RAPGEF2: variants seen among roughly 807,000 people sequenced by gnomAD.
RAPGEF2 encodes the protein PDZ domain containing guanine nucleotide exchange factor (GEF) 1.
A neutral mutation model predicts 186.7 loss-of-function variants in RAPGEF2; 54 were observed. The ratio of observed to expected loss-of-function variants is 0.29; its 90% confidence interval spans 0.23 to 0.36. The LOEUF (loss-of-function observed/expected upper bound fraction) is 0.36, where lower values mean the gene tolerates loss of function less well. RAPGEF2 is among the 10% of genes least tolerant of loss of function. The pLI is 1.00. For synonymous variants in RAPGEF2, 712 were observed against 705.9 expected (o/e 1.01, Z -0.14); for missense variants, 1,532 against 2,045.0 (o/e 0.75, Z 4.84).
chr4:159,255,774 T>G (rs1756088358), intron 7 of RAPGEF2, among the ~76,000 whole-genome samples: 1 of 152,324 alleles, frequency 6.6e-6, no homozygotes, highest in East Asian at 1.9e-4. Context: ...TTGTAGTAGT[T>G]GATTGGATTA....
At chr4:159,226,316 T>C (rs1252788317) in intron 4 of RAPGEF2, among the ~76,000 whole-genome samples, 1 of 152,188 alleles carries the variant, frequency 6.6e-6, no homozygotes, top group Non-Finnish European at 1.5e-5. Context: ...ATAAAATATT[T>C]GTTTAGATCT....
At chr4:159,287,562 T>C (rs1008800413) in intron 7 of RAPGEF2, among the ~76,000 whole-genome samples, 1 of 152,170 alleles carries the variant, frequency 6.6e-6, no homozygotes, top group South Asian at 2.1e-4. Context: ...ATGAAAGTTA[T>C]ATGCTTCTCT....
At chr4:159,296,443 A>C (rs1472410916) in intron 7 of RAPGEF2, among the ~76,000 whole-genome samples, 1 of 152,218 alleles carries the variant, frequency 6.6e-6, no homozygotes. Flanking sequence ...ATCAATATCC[A>C]TGAGAATTTT....
At chr4:159,192,056 A>G (rs1171268869) in intron 2 of RAPGEF2, among the ~76,000 whole-genome samples, 1 of 152,188 alleles carries the variant, frequency 6.6e-6, no homozygotes, top group African/African-American at 2.4e-5. Flanking sequence ...TCCAACAGGA[A>G]ACAAGGCAGA....
chr4:159,130,897 A>G (rs1205391955), intron 1 of RAPGEF2, among the ~76,000 whole-genome samples: 2 of 151,992 alleles, frequency 1.3e-5, no homozygotes, highest in Admixed American at 6.6e-5. Flanking sequence ...TTTTGTAGAG[A>G]CGGGGTTTCA....
chr4:159,158,072 G>C (rs906049760), intron 1 of RAPGEF2, among the ~76,000 whole-genome samples: 2 of 152,150 alleles, frequency 1.3e-5, no homozygotes, highest in Middle Eastern at 3.2e-3. Context: ...CAGAGTTATA[G>C]TAGAAGTTTA....
intron 7 of RAPGEF2, among the ~76,000 whole-genome samples, chr4:159,265,654 TTAGTGGATG>T (rs1757345626): frequency 6.6e-6 from 1 of 152,098 alleles, no homozygotes; most frequent in Non-Finnish European, 1.5e-5. Context: ...TAAAAGGAGC[TTAGTGGATG>T]AGGGCAAAAT....
chr4:159,167,301 A>C lies in RAPGEF2; in HGVS notation c.70-19341A>C, dbSNP rs920689097. On this transcript the variant is annotated intron_variant, in intron 1 of 29. Coordinates refer to ENST00000691494, the MANE Select transcript of RAPGEF2 (RefSeq NM_001394067.2). ...AGTGTGAAGTTTAGTTACCATTTGA[A>C]ATGACGCTTCAGCAGCTTCAAATGG... 2.6e-5 allele frequency among the ~76,000 whole-genome samples: 4 copies of C among 152,220 alleles called. No individual in the cohort carries two copies. In the South Asian group the frequency reaches 6.2e-4, roughly 24 times the overall value.
At position 159,332,314 on chromosome 4, in the gene RAPGEF2, T is replaced by G. The variant is rs1257805673; in HGVS notation, c.1889-137T>G. The G allele has an allele frequency of 3.3e-6, 3 of 901,824 alleles. No individual in the cohort carries two copies. In the East Asian group the frequency reaches 7.5e-5, roughly 23 times the overall value. The allele number at this position is 901,824 out of a possible 1,614,324, so 55.9% of individuals were successfully genotyped here. ...GCGTGATTCGTTTACTGTGTGATACTGTTTTTCTGCAGGTTTGCAGTTTTG... is the reference window on the plus strand; with the variant it reads ...GCGTGATTCGTTTACTGTGTGATACGGTTTTTCTGCAGGTTTGCAGTTTTG... On this transcript the variant is annotated intron_variant, in intron 16 of 29. Coordinates refer to ENST00000691494, the MANE Select transcript of RAPGEF2 (RefSeq NM_001394067.2).
chr4:159,178,271 A>G (rs928877290), intron 1 of RAPGEF2, among the ~76,000 whole-genome samples: 2 of 152,140 alleles, frequency 1.3e-5, no homozygotes, highest in African/African-American at 4.8e-5. Flanking sequence ...ACAGGATAGG[A>G]GGGATTGCAC....
chr4:159,210,539 T>C lies in RAPGEF2; in HGVS notation c.237T>C (p.Ser79=), dbSNP rs1159390864. Residue 79 remains serine (S), a synonymous_variant, in exon 4 of 30, where the codon TCT becomes TCC. Coordinates refer to ENST00000691494, the MANE Select transcript of RAPGEF2 (RefSeq NM_001394067.2). The part of the protein sequence containing the change: ...DIGTCWYILL[S]GSVFIKESMF... ...GGACCTGCTGGTATATCCTTCTTTCTGGTTCCGTGTTCATCAAGGAATCCA... is the reference window on the plus strand; with the variant it reads ...GGACCTGCTGGTATATCCTTCTTTCCGGTTCCGTGTTCATCAAGGAATCCA... 1.1e-5 allele frequency: 17 copies of C among 1,534,938 alleles called. 1 individual carries two copies. The South Asian group carries it at 1.9e-4, about 17-fold the overall frequency.
intron 4 of RAPGEF2, among the ~76,000 whole-genome samples, chr4:159,234,726 TGGG>T (rs1180611484): frequency 6.6e-6 from 1 of 151,330 alleles, no homozygotes; most frequent in East Asian, 2.0e-4. Context: ...CCTCCCAAAG[TGGG>T]GGGATTATAG....
At chr4:159,334,619 T>C (rs112971475) in intron 17 of RAPGEF2, among the ~76,000 whole-genome samples, 1 of 152,192 alleles carries the variant, frequency 6.6e-6, no homozygotes, top group African/African-American at 2.4e-5. Flanking sequence ...ATGAGTTAAA[T>C]AAGAACCTTT....
intron 1 of RAPGEF2, among the ~76,000 whole-genome samples, chr4:159,161,100 T>C (rs575502096): frequency 2.6e-5 from 4 of 152,302 alleles, no homozygotes; most frequent in African/African-American, 9.6e-5. Context: ...GACATTCCCA[T>C]GTATGATTAA....
Position 159,271,412 on chromosome 4 carries a change from T to C in RAPGEF2, c.543+27621T>C, listed in dbSNP as rs145747867. 2.6e-5 allele frequency among the ~76,000 whole-genome samples: 4 copies of C among 152,320 alleles called. No homozygotes were observed. The East Asian group carries it at 7.7e-4, about 29-fold the overall frequency. ...TGGTAGTACACATAAGAAAGTGCCC[T>C]ACTTAAATATAGGGAATAAATTGCA... On this transcript the variant is annotated intron_variant, in intron 7 of 29. Transcript: ENST00000691494.
In RAPGEF2 at chr4:159,104,553, A is replaced by AGAGAGAGAGAGAGAGAGAGTGT. The variant is rs1553991869; in HGVS notation, c.69+323_69+324insAGAGAGAGAGAGAGAGAGTGTG. ...GAGAGACAGAGAGAGAGAGAGAGAG[A>AGAGAGAGAGAGAGAGAGAGTGT]GTGTGTGTGTGTGTGTGTATGTGTG... On this transcript the variant is annotated intron_variant, in intron 1 of 29. Transcript: ENST00000691494. Among the ~76,000 whole-genome samples the AGAGAGAGAGAGAGAGAGAGTGT allele has an allele frequency of 1.5e-5, 2 of 136,028 alleles. 1 individual carries two copies. The highest frequency in any genetic ancestry group is 1.5e-4 in the Admixed American group (2 of 13,676). The allele number at this position is 136,028 out of a possible 152,430, so 89.2% of individuals were successfully genotyped here.
At chr4:159,282,825 T>A (rs1193407775) in intron 7 of RAPGEF2, among the ~76,000 whole-genome samples, 3 of 152,170 alleles carry the variant, frequency 2.0e-5, no homozygotes, top group Non-Finnish European at 4.4e-5. Context: ...TGCAATGTGA[T>A]TCAAGGATTT....
At chr4:159,251,902 C>A (rs540363426) in intron 7 of RAPGEF2, among the ~76,000 whole-genome samples, 5 of 151,778 alleles carry the variant, frequency 3.3e-5, no homozygotes, top group African/African-American at 1.2e-4. Context: ...AATTTTGCTG[C>A]GGCTCACGCT....
intron 1 of RAPGEF2, among the ~76,000 whole-genome samples, chr4:159,114,304 A>G (rs530200128): frequency 6.6e-6 from 1 of 151,970 alleles, no homozygotes; most frequent in Non-Finnish European, 1.5e-5. Context: ...GGGTTTCACC[A>G]TGTTGGTCAG....
Sources: gnomAD v4.1 joint callset for allele counts (sites outside exome capture counted in the v4.1 genomes callset) on GRCh38, gnomAD v4.1.1 for gene constraint, MANE v1.5 for transcripts, NCBI Gene and HGNC (gene_info 2026-07-23, HGNC 2026-07-21) for gene names.